ESCO2: variants seen among roughly 807,000 people sequenced by gnomAD.
ESCO2 encodes the protein N-acetyltransferase ESCO2.
In ESCO2, 51 loss-of-function variants were observed where a neutral mutation model predicts 61.7. The observed-to-expected ratio is 0.83, with a 90% CI of 0.66 to 1.04. The LOEUF (loss-of-function observed/expected upper bound fraction) is 1.04. Ranked by LOEUF, ESCO2 falls within the 50% of genes least tolerant of loss-of-function variation. ESCO2 has a pLI of 0.00. For synonymous variants in ESCO2, 230 were observed against 238.2 expected (o/e 0.97, Z 0.32); for missense variants, 692 against 686.2 (o/e 1.01, Z -0.09).
chr8:27,773,532 T>C (rs1469491315), upstream of ESCO2: 1 of 114,058 alleles, frequency 8.8e-6, no homozygotes, highest in Non-Finnish European at 1.8e-5. Flanking sequence ...AAGCAAACTC[T>C]ACATTCTTTT....
downstream of ESCO2, among the ~76,000 whole-genome samples, chr8:27,806,272 G>A (rs1242370892): frequency 6.6e-6 from 1 of 152,100 alleles, no homozygotes; most frequent in East Asian, 1.9e-4. Flanking sequence ...TACTGTCCAT[G>A]GTTTCAGGCA....
chr8:27,814,346 ATTC>A (rs150522763), downstream of ESCO2, among the ~76,000 whole-genome samples: 215 of 152,222 alleles, frequency 1.4e-3, 4 homozygotes, highest in East Asian at 0.029. Flanking sequence ...TAGCCTAATT[ATTC>A]TTTAAATGTG....
In ESCO2 at chr8:27,776,979, T is replaced by G; in HGVS notation, c.671T>G (p.Leu224Arg). The change falls in exon 3 of 11, where the codon CTG becomes CGG. Residue 224 changes from leucine to arginine, a missense_variant. Leu to Arg is a moderately radical substitution (Grantham distance 102). Transcript: ENST00000305188. ...AAATCTTCTCTTAGAAAATCGTCCC[T>G]GGAAAATGAGCCGTCACTGGGACGC... ...RKKSSLRKSS[L>R]ENEPSLGRTQ... 6.2e-7 allele frequency: 1 copy of G among 1,613,168 alleles called. No individual in the cohort carries two copies. Among genetic ancestry groups the G allele is most frequent in the Non-Finnish European group, 8.5e-7 (1 of 1,179,760 alleles).
intron 6 of ESCO2, among the ~76,000 whole-genome samples, chr8:27,788,234 A>G (rs1211286293): frequency 2.0e-5 from 3 of 147,674 alleles, no homozygotes; most frequent in Admixed American, 6.7e-5. Context: ...ATTGTTTAAA[A>G]TAATTTAATA....
At chr8:27,790,017 T>C (rs1805140274) in intron 7 of ESCO2, among the ~76,000 whole-genome samples, 1 of 152,238 alleles carries the variant, frequency 6.6e-6, no homozygotes, top group South Asian at 2.1e-4. Flanking sequence ...AAAACATAGG[T>C]TCTGACATTG....
At chr8:27,775,441 A>G in intron 1 of ESCO2, 58 bp from the exon 2 acceptor site, 1 of 1,472,274 alleles carries the variant, frequency 6.8e-7, no homozygotes. Context: ...AGGGGGTATA[A>G]TTTTGATAAA....
intron 1 of ESCO2, among the ~76,000 whole-genome samples, chr8:27,775,106 G>A (rs1363117339): frequency 1.3e-5 from 2 of 152,228 alleles, no homozygotes; most frequent in Non-Finnish European, 2.9e-5. Flanking sequence ...TTTGTTTTCA[G>A]CAGCCTTACG....
At chr8:27,788,661 A>T (rs1393038744) in intron 6 of ESCO2, among the ~76,000 whole-genome samples, 186 bp from the exon 7 acceptor site, 2 of 151,850 alleles carry the variant, frequency 1.3e-5, no homozygotes, top group African/African-American at 4.8e-5. Flanking sequence ...GCCTGGCCTG[A>T]TCTCATTTCA....
At chr8:27,782,897 A>G (rs1267590460) in intron 4 of ESCO2, among the ~76,000 whole-genome samples, 1 of 151,996 alleles carries the variant, frequency 6.6e-6, no homozygotes, top group African/African-American at 2.4e-5. Flanking sequence ...TCGTTATGCT[A>G]TACAGTTCTA....
At chr8:27,786,397 T>A (rs904378043) in intron 5 of ESCO2, among the ~76,000 whole-genome samples, 3 of 152,212 alleles carry the variant, frequency 2.0e-5, no homozygotes, top group Non-Finnish European at 2.9e-5. Flanking sequence ...AGGCTTCAAA[T>A]GTGCCTATAG....
At position 27,804,677 on chromosome 8, in the gene ESCO2, T is replaced by C. The variant is rs1338757455; in HGVS notation, c.*1239T>C. Reference sequence around the variant, plus strand: ...GATTGTAATTATATGTAGAAACTATTCATCTGCATTCATTTTATTTGCCTG... The same window carrying C: ...GATTGTAATTATATGTAGAAACTATCCATCTGCATTCATTTTATTTGCCTG... On this transcript the variant is annotated 3_prime_UTR_variant, in exon 11 of 11. Transcript: ENST00000305188. 2.0e-6 allele frequency: 2 copies of C among 985,356 alleles called. No homozygotes were observed. Among genetic ancestry groups the C allele is most frequent in the African/African-American group, 3.5e-5 (2 of 57,252 alleles). 61.0% of individuals were successfully genotyped at this position (985,356 alleles called of 1,614,324 possible). A position where few individuals can be genotyped will look rare whatever the true frequency, so the allele number is the denominator to read the frequency against.
downstream of ESCO2, chr8:27,810,913 G>T: frequency 8.3e-7 from 1 of 1,201,646 alleles, no homozygotes; most frequent in Non-Finnish European, 1.2e-6. Context: ...AATCTTTAGT[G>T]TGAAATGAAG....
rs17057873 is a variant in ESCO2 at position 27,789,805 on chromosome 8, G to A, written c.1263+827G>A. 8.9e-3 allele frequency among the ~76,000 whole-genome samples: 1,308 copies of A among 146,908 alleles called. 16 individuals are homozygous for A. Among genetic ancestry groups the A allele is most frequent in the African/African-American group, 0.03 (1,206 of 39,806 alleles). On this transcript the variant is annotated intron_variant, in intron 7 of 10. Coordinates refer to ENST00000305188, the MANE Select transcript of ESCO2 (RefSeq NM_001017420.3). ...TCAAAAAAAAAAAAAAAAAGCCATA[G>A]ATGAAACATAAGTCTAGTATGATTC...
At position 27,787,883 on chromosome 8, in the gene ESCO2, A is replaced by G; in HGVS notation, c.1014-2A>G. On this transcript the variant is annotated splice_acceptor_variant, in intron 5 of 10. Transcript: ENST00000305188. LOFTEE classifies it high-confidence loss of function. ...TTATATATATCAACTTTCTGTGTCAAGATCTTTAGGTGAAGAACAGTTTTC... is the reference window on the plus strand; with the variant it reads ...TTATATATATCAACTTTCTGTGTCAGGATCTTTAGGTGAAGAACAGTTTTC... 1.2e-6 allele frequency: 2 copies of G among 1,606,908 alleles called. No homozygotes were observed. Among genetic ancestry groups the G allele is most frequent in the Non-Finnish European group, 1.7e-6 (2 of 1,173,874 alleles).
Position 27,777,103 on chromosome 8 carries a change from C to A in ESCO2, c.795C>A (p.Val265=), listed in dbSNP as rs2128951323. The change falls in exon 3 of 11, where the codon GTC becomes GTA. Residue 265 remains valine (V), a synonymous_variant. Coordinates refer to ENST00000305188, the MANE Select transcript of ESCO2 (RefSeq NM_001017420.3). ...FATRQVPKCL[V]LEEKLKIGLL... Reference sequence around the variant, plus strand: ...CAAGGCAAGTGCCAAAGTGCTTGGTCCTAGAAGAGAAATTGAAAATTGGAC... The same window carrying A: ...CAAGGCAAGTGCCAAAGTGCTTGGTACTAGAAGAGAAATTGAAAATTGGAC... The A allele has an allele frequency of 1.3e-6, 2 of 1,597,298 alleles. No individual in the cohort carries two copies. Among genetic ancestry groups the A allele is most frequent in the East Asian group, 2.2e-5 (1 of 44,810 alleles).
intron 6 of ESCO2, 75 bp from the exon 7 acceptor site, chr8:27,788,772 A>AT: frequency 6.3e-7 from 1 of 1,577,086 alleles, no homozygotes; most frequent in Non-Finnish European, 8.7e-7. Context: ...ATTTGAATGA[A>AT]TGGTTATAGG....
At chr8:27,789,781 C>CAAAAAA (rs905844657) in intron 7 of ESCO2, among the ~76,000 whole-genome samples, 1 of 56,546 alleles carries the variant, frequency 1.8e-5, no homozygotes. Flanking sequence ...AACTCCATCT[C>CAAAAAA]AAAAAAAAAA....
intron 8 of ESCO2, among the ~76,000 whole-genome samples, 199 bp downstream of exon 8, chr8:27,792,251 T>C (rs1805193598): frequency 6.6e-6 from 1 of 152,220 alleles, no homozygotes. Context: ...AGCTTATCTT[T>C]TATATTCATC....
chr8:27,786,935 G>A (rs922248292), intron 5 of ESCO2, among the ~76,000 whole-genome samples: 1 of 150,712 alleles, frequency 6.6e-6, no homozygotes, highest in African/African-American at 2.4e-5. Context: ...GAAAACCAAG[G>A]TCCTTTCATT....
Sources: gnomAD v4.1 joint callset for allele counts (sites outside exome capture counted in the v4.1 genomes callset) on GRCh38, gnomAD v4.1.1 for gene constraint, MANE v1.5 for transcripts, NCBI Gene and HGNC (gene_info 2026-07-23, HGNC 2026-07-21) for gene names.